LRRTM4: variants seen among roughly 807,000 people sequenced by gnomAD.
The protein encoded by LRRTM4 is leucine-rich repeat transmembrane neuronal protein 4.
A neutral mutation model predicts 47.6 loss-of-function variants in LRRTM4; 25 were observed. That is an observed-to-expected ratio of 0.53 (90% CI 0.38 to 0.73). LRRTM4 has a LOEUF of 0.73. LRRTM4 is among the 30% of genes least tolerant of loss of function. LRRTM4 has a pLI of 0.00. For missense variants in LRRTM4, 638 were observed against 713.4 expected (o/e 0.89, Z 1.20); for synonymous variants, 311 against 269.5 (o/e 1.15, Z -1.51).
At chr2:77,383,074 G>A (rs1673124731) in intron 3 of LRRTM4, among the ~76,000 whole-genome samples, 1 of 151,964 alleles carries the variant, frequency 6.6e-6, no homozygotes, top group South Asian at 2.1e-4. Flanking sequence ...AGAATATTTG[G>A]TATAGTTTGG....
At chr2:77,216,404 C>A (rs532059790) in intron 3 of LRRTM4, among the ~76,000 whole-genome samples, 1 of 151,920 alleles carries the variant, frequency 6.6e-6, no homozygotes. Context: ...CGGTAGCTCA[C>A]GCCTGTAATC....
At chr2:76,856,956 C>T (rs1167138701) in intron 3 of LRRTM4, among the ~76,000 whole-genome samples, 1 of 151,918 alleles carries the variant, frequency 6.6e-6, no homozygotes, top group Non-Finnish European at 1.5e-5. Context: ...GAAAAATTTA[C>T]AACAATGGTT....
chr2:76,887,754 A>G (rs777800069), intron 3 of LRRTM4, among the ~76,000 whole-genome samples: 13 of 148,438 alleles, frequency 8.8e-5, no homozygotes, highest in African/African-American at 1.2e-4. Flanking sequence ...TAAAAATCCA[A>G]ATTGCTGAGA....
At chr2:77,435,792 A>T (rs545041242) in intron 3 of LRRTM4, among the ~76,000 whole-genome samples, 10 of 152,312 alleles carry the variant, frequency 6.6e-5, no homozygotes, top group African/African-American at 1.9e-4. Context: ...CTAAGGTAGG[A>T]GGTGGACACA....
chr2:76,834,975 C>T (rs1241079694), intron 3 of LRRTM4, among the ~76,000 whole-genome samples: 1 of 152,120 alleles, frequency 6.6e-6, no homozygotes, highest in African/African-American at 2.4e-5. Flanking sequence ...CAGCCTAACT[C>T]TGGTTTCCAA....
chr2:76,939,991 A>G (rs1675080476), intron 3 of LRRTM4, among the ~76,000 whole-genome samples: 1 of 152,136 alleles, frequency 6.6e-6, no homozygotes, highest in South Asian at 2.1e-4. Context: ...AAAAAATAAC[A>G]GATGCTGAAG....
rs1553435843 is a variant in LRRTM4 at position 77,373,088 on chromosome 2, A to AATAT, written c.1551+145226_1551+145229dup. Among the ~76,000 whole-genome samples, 580 of 140,342 alleles carry AATAT rather than the reference A, an allele frequency of 4.1e-3. 4 individuals carry two copies. Among genetic ancestry groups the AATAT allele is most frequent in the East Asian group, 0.013 (61 of 4,798 alleles). 92.1% of individuals were successfully genotyped at this position (140,342 alleles called of 152,430 possible). On this transcript the variant is annotated intron_variant, in intron 3 of 3. Transcript: ENST00000409884. ...AAAGCAAACCAACAATTAAAAAAAA[A>AATAT]ATATATATATATATATATATACGCA...
At chr2:77,402,951 C>T (rs1219795407) in intron 3 of LRRTM4, among the ~76,000 whole-genome samples, 2 of 152,036 alleles carry the variant, frequency 1.3e-5, no homozygotes, top group African/African-American at 2.4e-5. Flanking sequence ...AGACCTTTCT[C>T]TCATAAAGAT....
chr2:77,075,197 C>T (rs942132135), intron 3 of LRRTM4, among the ~76,000 whole-genome samples: 2 of 152,186 alleles, frequency 1.3e-5, no homozygotes, highest in African/African-American at 4.8e-5. Context: ...ATAGATGTTA[C>T]ACCCTTTCAA....
intron 3 of LRRTM4, among the ~76,000 whole-genome samples, chr2:76,942,490 C>CTTTTTT (rs1573346706): frequency 1.0e-5 from 1 of 99,132 alleles, no homozygotes; most frequent in Non-Finnish European, 2.0e-5. Context: ...TCTGTGCTAA[C>CTTTTTT]ATTTTTTTTT....
At chr2:76,930,057 C>G (rs11886263) in intron 3 of LRRTM4, among the ~76,000 whole-genome samples, 33,849 of 151,688 alleles carry the variant, frequency 0.22, 4,862 homozygotes, top group African/African-American at 0.4. Flanking sequence ...TATTTCTCTG[C>G]AGAAAGATTG....
intron 3 of LRRTM4, among the ~76,000 whole-genome samples, chr2:76,782,632 G>A (rs904204997): frequency 9.9e-5 from 15 of 152,166 alleles, no homozygotes; most frequent in African/African-American, 3.6e-4. Flanking sequence ...CCCTGCACGG[G>A]TCTGTGCTTT....
intron 3 of LRRTM4, among the ~76,000 whole-genome samples, chr2:77,447,820 C>A (rs1676111775): frequency 6.6e-6 from 1 of 152,054 alleles, no homozygotes; most frequent in East Asian, 1.9e-4. Flanking sequence ...ATAGCAGACC[C>A]CGACTGTAGT....
chr2:76,803,956 G>A (rs898695627), intron 3 of LRRTM4, among the ~76,000 whole-genome samples: 1 of 152,220 alleles, frequency 6.6e-6, no homozygotes, highest in Non-Finnish European at 1.5e-5. Flanking sequence ...TCTCTAGTGA[G>A]CTTTTCTTGT....
Position 77,405,154 on chromosome 2 carries a change from A to G in LRRTM4, c.1551+113164T>C, listed in dbSNP as rs564353872. ...TATGAAAAAAAGTCAGCTTCCACAG[A>G]TGTTTGAGTTGAAAGCTTCCACTTA... On this transcript the variant is annotated intron_variant, in intron 3 of 3. Coordinates refer to ENST00000409884, the MANE Select transcript of LRRTM4 (RefSeq NM_001134745.3). Among the ~76,000 whole-genome samples, 18 of 152,218 alleles carry G rather than the reference A, an allele frequency of 1.2e-4. No homozygotes were observed. In the South Asian group the frequency reaches 3.1e-3, roughly 26 times the overall value.
At chr2:77,373,497 T>C (rs1672724954) in intron 3 of LRRTM4, among the ~76,000 whole-genome samples, 1 of 151,656 alleles carries the variant, frequency 6.6e-6, no homozygotes, top group African/African-American at 2.4e-5. Flanking sequence ...TCCACCTTCA[T>C]TTTTTTACCT....
At chr2:77,125,774 A>G (rs1308025638) in intron 3 of LRRTM4, among the ~76,000 whole-genome samples, 2 of 152,058 alleles carry the variant, frequency 1.3e-5, no homozygotes, top group South Asian at 2.1e-4. Flanking sequence ...TTGAATTTGA[A>G]AAACAGTTGT....
chr2:76,969,403 G>C (rs1367763932), intron 3 of LRRTM4, among the ~76,000 whole-genome samples: 1 of 151,866 alleles, frequency 6.6e-6, no homozygotes, highest in Non-Finnish European at 1.5e-5. Context: ...ATTCCCTCCA[G>C]AGGCAAATAT....
intron 3 of LRRTM4, among the ~76,000 whole-genome samples, chr2:77,048,021 C>A (rs1398378829): frequency 6.6e-6 from 1 of 151,874 alleles, no homozygotes; most frequent in Non-Finnish European, 1.5e-5. Context: ...TATCTAGATG[C>A]AAAGACATTT....
Sources: allele counts gnomAD v4.1 joint callset (sites outside exome capture counted in the v4.1 genomes callset), GRCh38; gene constraint gnomAD v4.1.1; transcripts MANE v1.5; gene names NCBI Gene and HGNC (gene_info 2026-07-23, HGNC 2026-07-21).